The following IQCB1 variants were observed in gnomAD, a reference collection of about 807,000 sequenced individuals.
IQCB1 encodes the protein IQ calmodulin-binding motif-containing protein 1.
In IQCB1, 56 loss-of-function variants were observed where a neutral mutation model predicts 84.4. The ratio of observed to expected loss-of-function variants is 0.66; its 90% confidence interval spans 0.54 to 0.83. The LOEUF is 0.83. IQCB1 is among the 40% of genes least tolerant of loss of function. The probability of loss-of-function intolerance (pLI) is 0.00; values close to 1 mark genes in which losing one functional copy is unlikely to be tolerated. For missense variants in IQCB1, 629 were observed against 682.1 expected, an observed-to-expected ratio of 0.92 and a Z score of 0.87; for synonymous variants, 210 against 234.8, an observed-to-expected ratio of 0.89 and a Z score of 0.96.
At chr3:121,778,704 G>A (rs1948342362) in intron 13 of IQCB1, among the ~76,000 whole-genome samples, 1 of 151,784 alleles carries the variant, frequency 6.6e-6, no homozygotes, top group African/African-American at 2.4e-5. Flanking sequence ...TCAGGAGTTC[G>A]AGACCAGCCT....
chr3:121,787,796 T>C (rs1229438958), intron 12 of IQCB1, among the ~76,000 whole-genome samples: 1 of 151,652 alleles, frequency 6.6e-6, no homozygotes, highest in Non-Finnish European at 1.5e-5. Flanking sequence ...GTTATAATGA[T>C]CTAAATATAC....
chr3:121,804,935 T>C (rs543434015), intron 7 of IQCB1, among the ~76,000 whole-genome samples: 1 of 152,318 alleles, frequency 6.6e-6, no homozygotes, highest in African/African-American at 2.4e-5. Flanking sequence ...TAGTTTCTAC[T>C]GATACGCCTT....
chr3:121,796,709 A>T (rs369114380), intron 9 of IQCB1, among the ~76,000 whole-genome samples: 32 of 152,302 alleles, frequency 2.1e-4, no homozygotes, highest in African/African-American at 7.7e-4. Flanking sequence ...TATAGATAAA[A>T]GAAGATAAAC....
At chr3:121,828,415 A>G in intron 4 of IQCB1, 55 bp downstream of exon 4, 1 of 1,477,492 alleles carries the variant, frequency 6.8e-7, no homozygotes, top group Non-Finnish European at 9.5e-7. Context: ...AATGTTGAAA[A>G]TCAGAATCAA....
chr3:121,810,405 C>T (rs750411972), intron 5 of IQCB1, among the ~76,000 whole-genome samples: 1 of 151,902 alleles, frequency 6.6e-6, no homozygotes, highest in Non-Finnish European at 1.5e-5. Flanking sequence ...GGTTAAGTGG[C>T]CTTACTTTTT....
intron 11 of IQCB1, 37 bp from the exon 12 acceptor site, chr3:121,788,469 T>G: frequency 6.3e-7 from 1 of 1,581,074 alleles, no homozygotes; most frequent in Non-Finnish European, 8.7e-7. Context: ...ACATACTCAC[T>G]GCCATGCTTT....
intron 8 of IQCB1, among the ~76,000 whole-genome samples, chr3:121,798,377 G>A (rs1022953740): frequency 2.0e-5 from 3 of 151,902 alleles, no homozygotes; most frequent in African/African-American, 7.2e-5. Flanking sequence ...TAATGAACTA[G>A]AATCCCATTT....
At chr3:121,802,800 T>C (rs1949458070) in intron 7 of IQCB1, among the ~76,000 whole-genome samples, 1 of 152,210 alleles carries the variant, frequency 6.6e-6, no homozygotes, top group Admixed American at 6.5e-5. Context: ...ATTAGTGATA[T>C]AAATTTCCCC....
chr3:121,794,484 G>A (rs1576567174), intron 10 of IQCB1, among the ~76,000 whole-genome samples: 1 of 152,158 alleles, frequency 6.6e-6, no homozygotes. Context: ...ATACAAACTC[G>A]AATCTGTTAA....
intron 5 of IQCB1, among the ~76,000 whole-genome samples, chr3:121,812,349 A>G (rs1391893809): frequency 6.6e-6 from 1 of 152,180 alleles, no homozygotes; most frequent in East Asian, 1.9e-4. Context: ...CATTCCAAAA[A>G]CCAGAACGCC....
At chr3:121,781,950 G>T in intron 12 of IQCB1, 76 bp from the exon 13 acceptor site, 1 of 1,407,518 alleles carries the variant, frequency 7.1e-7, no homozygotes, top group Non-Finnish European at 1.0e-6. Context: ...ACAACATATG[G>T]TAGTGATCAC....
chr3:121,793,824 A>G (rs1442290563), intron 10 of IQCB1, among the ~76,000 whole-genome samples: 3 of 152,224 alleles, frequency 2.0e-5, no homozygotes, highest in African/African-American at 4.8e-5. Context: ...TTCTAAGTAG[A>G]AAAAAATCTG....
At position 121,781,759 on chromosome 3, in the gene IQCB1, T is replaced by C; in HGVS notation, c.1394A>G (p.Tyr465Cys). The change falls in exon 13 of 15, where the codon TAT (tyrosine) becomes TGT (cysteine). Residue 465 changes from tyrosine to cysteine, a missense_variant. By Grantham distance (194) the Tyr-to-Cys change is radical. Transcript: ENST00000310864. Reference protein sequence around the residue: ...RVELKKRVDDYVRRHLGSPMS... With the variant: ...RVELKKRVDDCVRRHLGSPMS... The stretch of plus-strand genomic sequence containing the variant: ...GCTTCATACCAAATGTCTTCTGACA[T>C]AGTCATCCACTCGTTTCTTCAGTTC... 3 of 1,613,474 alleles carry C rather than the reference T, an allele frequency of 1.9e-6. No individual in the cohort carries two copies. The highest frequency in any genetic ancestry group is 8.5e-7 in the Non-Finnish European group (1 of 1,179,560).
chr3:121,808,649 T>C (rs537201894), intron 6 of IQCB1, among the ~76,000 whole-genome samples: 1 of 152,136 alleles, frequency 6.6e-6, no homozygotes, highest in African/African-American at 2.4e-5. Flanking sequence ...CAAATTATCA[T>C]TTGTCTTTAT....
intron 5 of IQCB1, among the ~76,000 whole-genome samples, chr3:121,812,137 T>TCTGG (rs1260640795): frequency 1.2e-4 from 19 of 152,122 alleles, no homozygotes; most frequent in Admixed American, 9.8e-4. Flanking sequence ...GCAAACAGGG[T>TCTGG]CTGGAGTGGA....
intron 12 of IQCB1, among the ~76,000 whole-genome samples, chr3:121,785,030 C>T (rs906467206): frequency 6.6e-6 from 1 of 152,136 alleles, no homozygotes; most frequent in Non-Finnish European, 1.5e-5. Flanking sequence ...TCTGTTGAGA[C>T]TCTCTTCTTT....
chr3:121,772,589 G>C lies in IQCB1; in HGVS notation c.1535C>G (p.Ala512Gly). 1.2e-6 allele frequency: 2 copies of C among 1,614,194 alleles called. No individual in the cohort carries two copies. The highest frequency in any genetic ancestry group is 2.2e-5 in the South Asian group (2 of 91,090). The change falls in exon 14 of 15, where the codon GCA (alanine) becomes GGA (glycine). Residue 512 changes from alanine (A) to glycine (G), a missense_variant. Physicochemically the swap from Ala to Gly is moderately conservative, Grantham distance 60. Transcript: ENST00000310864. ...CTGTTCAACGTTGGTGCTGATCTGT[G>C]CTATCAGAGCTTCTCTGTGCTGCTG... is the stretch of plus-strand genomic sequence containing the variant. ...RAQQHREALI[A>G]QISTNVEQLM...
intron 10 of IQCB1, among the ~76,000 whole-genome samples, chr3:121,794,245 C>A (rs775719228): frequency 6.6e-6 from 1 of 151,936 alleles, no homozygotes; most frequent in Admixed American, 6.6e-5. Flanking sequence ...ATTTGTTTAC[C>A]TAGATTTGTA....
At position 121,788,343 on chromosome 3, in the gene IQCB1, A is replaced by C; in HGVS notation, c.1219T>G (p.Phe407Val). The change falls in exon 12 of 15, where the codon TTT becomes GTT. Residue 407 changes from phenylalanine (F) to valine (V), a missense_variant. By Grantham distance (50) the Phe-to-Val change is conservative. Coordinates refer to ENST00000310864, the MANE Select transcript of IQCB1 (RefSeq NM_001023570.4). Reference sequence around the variant, plus strand: ...ATGAGAGACTGCCTCTGTTGGTGAAAATTTTTCCTTTCCCTGTACCCTCTC... The same window carrying C: ...ATGAGAGACTGCCTCTGTTGGTGAACATTTTTCCTTTCCCTGTACCCTCTC... Reference protein sequence around the residue: ...HWRGYRERKNFHQQRQSLIEY... With the variant: ...HWRGYRERKNVHQQRQSLIEY... 6.2e-7 allele frequency: 1 copy of C among 1,613,758 alleles called. No homozygotes were observed. Among genetic ancestry groups the C allele is most frequent in the Non-Finnish European group, 8.5e-7 (1 of 1,179,898 alleles).
Sources: gnomAD v4.1 joint callset for allele counts (sites outside exome capture counted in the v4.1 genomes callset) on GRCh38, gnomAD v4.1.1 for gene constraint, MANE v1.5 for transcripts, NCBI Gene and HGNC (gene_info 2026-07-23, HGNC 2026-07-21) for gene names.